The following CCDC192 variants were observed in gnomAD, a reference collection of about 807,000 sequenced individuals.
The protein encoded by CCDC192 is coiled-coil domain-containing protein 192.
At chr5:127,852,150 C>T (rs1013892449) in intron 5 of CCDC192, among the ~76,000 whole-genome samples, 4 of 152,168 alleles carry the variant, frequency 2.6e-5, no homozygotes, top group African/African-American at 9.7e-5. Context: ...GCCTATCACA[C>T]GTGCCTCCTC....
At chr5:127,913,927 C>A (rs139919796) in intron 6 of CCDC192, among the ~76,000 whole-genome samples, 2 of 152,284 alleles carry the variant, frequency 1.3e-5, no homozygotes, top group African/African-American at 4.8e-5. Context: ...GAATACATAG[C>A]TATGCCTAAC....
chr5:127,771,433 G>A (rs1408515141), intron 3 of CCDC192, among the ~76,000 whole-genome samples: 2 of 152,212 alleles, frequency 1.3e-5, no homozygotes, highest in Non-Finnish European at 2.9e-5. Flanking sequence ...TTTTGGAAAA[G>A]AAGCAAAAGT....
At chr5:127,890,403 C>G (rs1752699683) in intron 6 of CCDC192, among the ~76,000 whole-genome samples, 1 of 150,564 alleles carries the variant, frequency 6.6e-6, no homozygotes, top group Admixed American at 6.6e-5. Flanking sequence ...TTTTGAGATG[C>G]CACTACACTC....
intron 5 of CCDC192, among the ~76,000 whole-genome samples, chr5:127,818,044 C>T (rs1323336107): frequency 6.6e-6 from 1 of 152,028 alleles, no homozygotes; most frequent in Non-Finnish European, 1.5e-5. Flanking sequence ...GAAGAGTCTT[C>T]AGAATAAAGT....
At chr5:127,813,644 C>T (rs1758202312) in intron 5 of CCDC192, among the ~76,000 whole-genome samples, 1 of 152,090 alleles carries the variant, frequency 6.6e-6, no homozygotes, top group African/African-American at 2.4e-5. Context: ...AAAGTTTTGT[C>T]ATAGTCTCAG....
chr5:127,779,875 C>G (rs1025908715), intron 3 of CCDC192, among the ~76,000 whole-genome samples: 1 of 151,988 alleles, frequency 6.6e-6, no homozygotes, highest in Non-Finnish European at 1.5e-5. Flanking sequence ...TCTTTTATCC[C>G]TCACCCCCCT....
intron 5 of CCDC192, among the ~76,000 whole-genome samples, chr5:127,833,543 T>C (rs1749896138): frequency 6.6e-6 from 1 of 152,180 alleles, no homozygotes; most frequent in Non-Finnish European, 1.5e-5. Flanking sequence ...TTGCTTCATA[T>C]TATTTGAATG....
At chr5:127,759,376 C>T (rs544458784) in intron 3 of CCDC192, among the ~76,000 whole-genome samples, 1 of 152,166 alleles carries the variant, frequency 6.6e-6, no homozygotes, top group African/African-American at 2.4e-5. Context: ...AGGGCACTGC[C>T]TCAGGAATGG....
chr5:127,792,118 C>T (rs1756898905), intron 3 of CCDC192, among the ~76,000 whole-genome samples: 1 of 151,906 alleles, frequency 6.6e-6, no homozygotes, highest in Non-Finnish European at 1.5e-5. Context: ...TTGAGACAAG[C>T]CTGGGCAAAA....
At chr5:127,770,962 C>A (rs911894285) in intron 3 of CCDC192, among the ~76,000 whole-genome samples, 1 of 152,190 alleles carries the variant, frequency 6.6e-6, no homozygotes, top group East Asian at 1.9e-4. Flanking sequence ...TTTAATAATT[C>A]TATGGCTGTA....
chr5:127,864,025 G>T (rs1751487361), intron 5 of CCDC192, among the ~76,000 whole-genome samples: 1 of 152,172 alleles, frequency 6.6e-6, no homozygotes, highest in Non-Finnish European at 1.5e-5. Context: ...TCAATCCAGG[G>T]TGTACCAAGG....
chr5:127,800,317 GCA>G (rs1323767055), intron 5 of CCDC192, among the ~76,000 whole-genome samples: 1 of 125,026 alleles, frequency 8.0e-6, no homozygotes, highest in Non-Finnish European at 1.6e-5. Context: ...GTTTTAATGA[GCA>G]CTTCTTAGAA....
At chr5:127,893,050 A>G (rs942265729) in intron 6 of CCDC192, among the ~76,000 whole-genome samples, 4 of 152,182 alleles carry the variant, frequency 2.6e-5, no homozygotes, top group African/African-American at 7.2e-5. Context: ...AGAATGAGTC[A>G]TAGTCTCCAT....
intron 5 of CCDC192, among the ~76,000 whole-genome samples, chr5:127,833,099 T>C (rs1481851696): frequency 6.6e-6 from 1 of 152,192 alleles, no homozygotes; most frequent in Non-Finnish European, 1.5e-5. Context: ...TCAGAAAATA[T>C]AGATTGGAGC....
chr5:127,714,239 C>T (rs1415750360), intron 2 of CCDC192, among the ~76,000 whole-genome samples: 1 of 152,174 alleles, frequency 6.6e-6, no homozygotes, highest in Non-Finnish European at 1.5e-5. Flanking sequence ...AGTCACTCAT[C>T]CACTGATGGA....
At chr5:127,788,278 T>C (rs1437333661) in intron 3 of CCDC192, among the ~76,000 whole-genome samples, 2 of 152,200 alleles carry the variant, frequency 1.3e-5, no homozygotes, top group African/African-American at 2.4e-5. Context: ...GTATTCCTTT[T>C]ACTTTTATAA....
chr5:127,861,514 G>C (rs1276532458), intron 5 of CCDC192, among the ~76,000 whole-genome samples: 1 of 151,706 alleles, frequency 6.6e-6, no homozygotes, highest in Non-Finnish European at 1.5e-5. Context: ...AATTAGCCAG[G>C]CATGATGACA....
intron 3 of CCDC192, among the ~76,000 whole-genome samples, chr5:127,775,902 A>G (rs1032526294): frequency 6.6e-6 from 1 of 152,148 alleles, no homozygotes; most frequent in African/African-American, 2.4e-5. Context: ...CTCTTCCTTC[A>G]TCTTCTGCCA....
chr5:127,872,103 A>G (rs1267725168), intron 5 of CCDC192, among the ~76,000 whole-genome samples: 5 of 152,364 alleles, frequency 3.3e-5, no homozygotes, highest in Admixed American at 6.5e-5. Context: ...GAAATGCCCA[A>G]AGGGCTTGGT....
Sources: allele counts gnomAD v4.1 joint callset (sites outside exome capture counted in the v4.1 genomes callset), GRCh38; gene constraint gnomAD v4.1.1; transcripts MANE v1.5; gene names NCBI Gene and HGNC (gene_info 2026-07-23, HGNC 2026-07-21).